The following CTNNA3 variants were observed in gnomAD, a reference collection of about 807,000 sequenced individuals.
CTNNA3 encodes catenin alpha-3.
Under a neutral mutation model 95.7 loss-of-function variants are expected in CTNNA3, and 76 were observed. The observed-to-expected ratio is 0.79, with a 90% CI of 0.66 to 0.96. The LOEUF is 0.96. Among genes scored for constraint, CTNNA3 ranks in the 40% least tolerant of loss-of-function variants. The pLI is 0.00. For missense variants in CTNNA3, 1,191 were observed against 1,089.8 expected (o/e 1.09, Z -1.31); for synonymous variants, 431 against 374.4 (o/e 1.15, Z -1.74).
At chr10:66,624,999 A>C (rs1296615258) in intron 9 of CTNNA3, among the ~76,000 whole-genome samples, 1 of 141,420 alleles carries the variant, frequency 7.1e-6, no homozygotes, top group African/African-American at 2.7e-5. Flanking sequence ...GTAGTTATTT[A>C]AATTTACACA....
chr10:67,381,160 TC>T (rs1326264157), intron 5 of CTNNA3, among the ~76,000 whole-genome samples: 10 of 152,166 alleles, frequency 6.6e-5, no homozygotes, highest in Non-Finnish European at 8.8e-5. Flanking sequence ...AAATCAATAT[TC>T]CCATTTGCTA....
intron 15 of CTNNA3, among the ~76,000 whole-genome samples, chr10:66,066,691 A>G (rs1029805718): frequency 1.3e-5 from 2 of 152,210 alleles, no homozygotes; most frequent in African/African-American, 4.8e-5. Flanking sequence ...TCACTTTCCA[A>G]TGAAATCTTC....
intron 15 of CTNNA3, among the ~76,000 whole-genome samples, chr10:66,048,136 T>C (rs2079868863): frequency 6.6e-6 from 1 of 152,102 alleles, no homozygotes; most frequent in Non-Finnish European, 1.5e-5. Flanking sequence ...TTTTAAAATT[T>C]ATATGGAACC....
chr10:67,017,743 G>A (rs1852746007), intron 7 of CTNNA3, among the ~76,000 whole-genome samples: 1 of 151,760 alleles, frequency 6.6e-6, no homozygotes, highest in African/African-American at 2.4e-5. Context: ...GTGTGTGTGT[G>A]TGTGTGTGTG....
intron 5 of CTNNA3, among the ~76,000 whole-genome samples, chr10:67,505,550 T>C (rs1839403502): frequency 1.3e-5 from 2 of 152,198 alleles, no homozygotes; most frequent in South Asian, 4.1e-4. Flanking sequence ...GAGGAAACAT[T>C]ATAATTTCTT....
chr10:65,996,790 G>A (rs976696405), intron 15 of CTNNA3, among the ~76,000 whole-genome samples: 6 of 152,182 alleles, frequency 3.9e-5, no homozygotes, highest in Non-Finnish European at 7.3e-5. Flanking sequence ...TCCTGACCAA[G>A]CTGGCAGCTT....
chr10:66,040,147 G>C (rs906483977), intron 15 of CTNNA3, among the ~76,000 whole-genome samples: 5 of 152,092 alleles, frequency 3.3e-5, no homozygotes, highest in Admixed American at 2.0e-4. Context: ...CTGATTATTA[G>C]AGAAATGAAA....
rs191173352 is a variant in CTNNA3, at chr10:66,697,204, T to C, written c.1281+69060A>G. 4.2e-3 allele frequency among the ~76,000 whole-genome samples: 638 copies of C among 150,162 alleles called. 6 individuals carry two copies. Among genetic ancestry groups the C allele is most frequent in the African/African-American group, 0.015 (623 of 41,158 alleles). ...TTATTACTTTTATTATAGAAATATA[T>C]ATGTATATATACATATGTGTATTTA... On this transcript the variant is annotated intron_variant, in intron 9 of 17. Transcript: ENST00000433211.
chr10:66,177,880 T>A (rs982046691), intron 13 of CTNNA3, among the ~76,000 whole-genome samples: 9 of 152,028 alleles, frequency 5.9e-5, no homozygotes, highest in South Asian at 2.1e-4. Context: ...ATTACTTTTT[T>A]AAACTATATT....
intron 9 of CTNNA3, among the ~76,000 whole-genome samples, chr10:66,680,754 T>C (rs1214654485): frequency 6.6e-6 from 1 of 152,050 alleles, no homozygotes; most frequent in Non-Finnish European, 1.5e-5. Context: ...GGAGACAGGG[T>C]AGGAATAGAA....
chr10:66,304,108 GA>G (rs2091901197), intron 12 of CTNNA3, among the ~76,000 whole-genome samples: 1 of 152,052 alleles, frequency 6.6e-6, no homozygotes, highest in African/African-American at 2.4e-5. Flanking sequence ...GTATTTCAAA[GA>G]AGTGAAATAA....
chr10:66,276,555 T>A (rs1232520310), intron 13 of CTNNA3, among the ~76,000 whole-genome samples: 1 of 152,134 alleles, frequency 6.6e-6, no homozygotes. Context: ...TAAATTAATA[T>A]AGGTTCAAAA....
At chr10:66,343,951 G>A (rs926673496) in intron 12 of CTNNA3, among the ~76,000 whole-genome samples, 7 of 151,754 alleles carry the variant, frequency 4.6e-5, no homozygotes, top group Admixed American at 2.6e-4. Context: ...TGTAGGCTGG[G>A]CATAGGGGCT....
chr10:66,900,357 C>T (rs1290244742), intron 7 of CTNNA3, among the ~76,000 whole-genome samples: 1 of 152,086 alleles, frequency 6.6e-6, no homozygotes, highest in Non-Finnish European at 1.5e-5. Flanking sequence ...CAATAAAACC[C>T]CATCTGCAGG....
intron 6 of CTNNA3, among the ~76,000 whole-genome samples, chr10:67,182,869 C>G (rs1355220061): frequency 1.3e-5 from 2 of 152,042 alleles, no homozygotes; most frequent in African/African-American, 4.8e-5. Context: ...CCATCAACAA[C>G]TGGGCAAAGG....
At chr10:66,303,105 A>C (rs951077768) in intron 12 of CTNNA3, among the ~76,000 whole-genome samples, 1 of 152,202 alleles carries the variant, frequency 6.6e-6, no homozygotes, top group African/African-American at 2.4e-5. Context: ...GTGATATTCA[A>C]ATGTAAAATG....
intron 3 of CTNNA3, among the ~76,000 whole-genome samples, chr10:67,562,968 T>C (rs11497968): frequency 0.041 from 6,208 of 151,446 alleles, 141 homozygotes; most frequent in South Asian, 0.096. Flanking sequence ...AACTACAAAC[T>C]ACTGCTCAAT....
chr10:67,558,149 A>T (rs1841325940), intron 3 of CTNNA3, among the ~76,000 whole-genome samples: 1 of 152,208 alleles, frequency 6.6e-6, no homozygotes, highest in African/African-American at 2.4e-5. Flanking sequence ...ACAGGTATGC[A>T]TCTTTTTTGC....
At chr10:66,551,150 G>A (rs1269049739) in intron 10 of CTNNA3, among the ~76,000 whole-genome samples, 1 of 152,010 alleles carries the variant, frequency 6.6e-6, no homozygotes, top group East Asian at 1.9e-4. Flanking sequence ...CCTTTTGTTA[G>A]CCAATGTTCG....
Sources: gnomAD v4.1 joint callset for allele counts (sites outside exome capture counted in the v4.1 genomes callset) on GRCh38, gnomAD v4.1.1 for gene constraint, MANE v1.5 for transcripts, NCBI Gene and HGNC (gene_info 2026-07-23, HGNC 2026-07-21) for gene names.